HIVEP2: variants seen among roughly 807,000 people sequenced by gnomAD.
The protein encoded by HIVEP2 is transcription factor HIVEP2.
In HIVEP2, 14 loss-of-function variants were observed where a neutral mutation model predicts 180.7. That is an observed-to-expected ratio of 0.08 (90% CI 0.05 to 0.12). The LOEUF (loss-of-function observed/expected upper bound fraction) is 0.12. Ranked by LOEUF, HIVEP2 falls within the 10% of genes least tolerant of loss-of-function variation. The pLI, the probability that HIVEP2 is intolerant of heterozygous loss-of-function variation, is 1.00. For synonymous variants in HIVEP2, 1,184 were observed against 1,136.4 expected, an observed-to-expected ratio of 1.04 and a Z score of -0.84; for missense variants, 2,579 against 3,008.5, an observed-to-expected ratio of 0.86 and a Z score of 3.34.
chr6:142,862,454 ATT>A (rs1216605365), intron 1 of HIVEP2, among the ~76,000 whole-genome samples: 5 of 113,954 alleles, frequency 4.4e-5, no homozygotes, highest in African/African-American at 1.5e-4. Context: ...CATATAATCG[ATT>A]ATATGTATCA....
intron 1 of HIVEP2, among the ~76,000 whole-genome samples, chr6:142,901,041 T>C (rs757134541): frequency 1.1e-4 from 16 of 152,234 alleles, no homozygotes; most frequent in Non-Finnish European, 1.9e-4. Flanking sequence ...AGATTTTCCG[T>C]TGCTCATCTT....
At chr6:142,850,876 G>A (rs728589) in intron 1 of HIVEP2, among the ~76,000 whole-genome samples, 26,957 of 152,096 alleles carry the variant, frequency 0.18, 2,584 homozygotes, top group South Asian at 0.22. Flanking sequence ...GAACACTGTC[G>A]CAGGACAAGA....
intron 1 of HIVEP2, among the ~76,000 whole-genome samples, chr6:142,911,779 T>G (rs1777414815): frequency 3.3e-5 from 5 of 152,220 alleles, no homozygotes. Flanking sequence ...TGAGTGTTTG[T>G]GTGTCTGTGA....
intron 2 of HIVEP2, among the ~76,000 whole-genome samples, chr6:142,803,205 A>G (rs893064447): frequency 1.3e-5 from 2 of 152,208 alleles, no homozygotes; most frequent in Non-Finnish European, 2.9e-5. Context: ...CCAGCATTTC[A>G]TCATAACCTA....
chr6:142,841,481 TA>T (rs1775361254), intron 1 of HIVEP2, among the ~76,000 whole-genome samples: 3 of 152,122 alleles, frequency 2.0e-5, no homozygotes, highest in African/African-American at 7.2e-5. Context: ...TGTTGTTTCG[TA>T]GTATGTTCAA....
At chr6:142,859,654 C>G (rs1257554926) in intron 1 of HIVEP2, among the ~76,000 whole-genome samples, 1 of 151,164 alleles carries the variant, frequency 6.6e-6, no homozygotes, top group Non-Finnish European at 1.5e-5. Flanking sequence ...GCTAACATGG[C>G]GAAACACTGT....
At chr6:142,766,868 A>G (rs1024421013) in intron 6 of HIVEP2, among the ~76,000 whole-genome samples, 2 of 152,188 alleles carry the variant, frequency 1.3e-5, no homozygotes, top group African/African-American at 2.4e-5. Context: ...TTGGTCAGTA[A>G]TACTTTTTAT....
intron 2 of HIVEP2, among the ~76,000 whole-genome samples, chr6:142,810,929 C>T (rs1418507963): frequency 2.0e-5 from 3 of 152,014 alleles, no homozygotes; most frequent in African/African-American, 7.3e-5. Context: ...GTTTCCTCAA[C>T]ATTAAATATT....
At chr6:142,902,323 C>G (rs1777152587) in intron 1 of HIVEP2, among the ~76,000 whole-genome samples, 1 of 145,618 alleles carries the variant, frequency 6.9e-6, no homozygotes, top group South Asian at 2.1e-4. Flanking sequence ...TATTCTGCCC[C>G]CAAAACCCAT....
intron 1 of HIVEP2, among the ~76,000 whole-genome samples, chr6:142,860,195 T>G (rs1181372055): frequency 6.6e-6 from 1 of 152,208 alleles, no homozygotes; most frequent in Non-Finnish European, 1.5e-5. Flanking sequence ...GACTTCATAT[T>G]GCTCCCATTC....
chr6:142,814,281 T>A (rs1277467996), intron 2 of HIVEP2, among the ~76,000 whole-genome samples: 1 of 152,218 alleles, frequency 6.6e-6, no homozygotes. Flanking sequence ...TAAATAAATG[T>A]TGGTATTACT....
intron 2 of HIVEP2, among the ~76,000 whole-genome samples, chr6:142,793,697 C>CTCTCTCTCTCTCTCTT (rs1776214814): frequency 9.1e-6 from 1 of 109,912 alleles, no homozygotes; most frequent in South Asian, 2.8e-4. Context: ...CTCTCTCTCT[C>CTCTCTCTCTCTCTCTT]TGTCTGTCTT....
intron 1 of HIVEP2, among the ~76,000 whole-genome samples, chr6:142,856,013 T>C (rs910970387): frequency 2.6e-5 from 4 of 152,216 alleles, no homozygotes; most frequent in African/African-American, 9.6e-5. Flanking sequence ...TGATAAATTA[T>C]GCTTGTTTGC....
In HIVEP2 at chr6:142,858,472, G is replaced by A. The variant is rs115451265; in HGVS notation, c.-640-21425C>T. On this transcript the variant is annotated intron_variant, in intron 1 of 9. Coordinates refer to ENST00000367603, the MANE Select transcript of HIVEP2 (RefSeq NM_006734.4). ...CTATAGCCCCAGTATCCTAAACAGTGCCTGGAAAATAACAAGTGTTTGATT... is the reference window on the plus strand; with the variant it reads ...CTATAGCCCCAGTATCCTAAACAGTACCTGGAAAATAACAAGTGTTTGATT... Among the ~76,000 whole-genome samples the A allele has an allele frequency of 7.7e-3, 1,169 of 152,240 alleles. 17 individuals are homozygous for A. Among genetic ancestry groups the A allele is most frequent in the African/African-American group, 0.025 (1,044 of 41,536 alleles).
At chr6:142,941,576 C>G (rs993264283) in intron 1 of HIVEP2, among the ~76,000 whole-genome samples, 2 of 152,146 alleles carry the variant, frequency 1.3e-5, no homozygotes, top group Admixed American at 1.3e-4. Flanking sequence ...CAGTACAGCC[C>G]TCACTTGAAT....
In HIVEP2 at chr6:142,771,040, G is replaced by C; in HGVS notation, c.3699C>G (p.Pro1233=). 2 of 1,614,190 alleles carry C rather than the reference G, an allele frequency of 1.2e-6. No individual in the cohort carries two copies. The highest frequency in any genetic ancestry group is 8.5e-7 in the Non-Finnish European group (1 of 1,180,046). The change falls in exon 5 of 10, where the codon CCC becomes CCG. Residue 1233 remains proline, a synonymous_variant. Transcript: ENST00000367603. The surrounding 1 kb of genome is among the most constrained non-coding windows in gnomAD (Gnocchi z 5.4). ...AGCTCTTCTGAGGGTGCTGAGCAAA[G>C]GGATGTGGGAAATGTGCCTGCCACC... The part of the protein sequence containing the change: ...PPWWQAHFPH[P]FAQHPQKSYG...
chr6:142,907,423 T>A (rs545942199), intron 1 of HIVEP2, among the ~76,000 whole-genome samples: 6 of 152,254 alleles, frequency 3.9e-5, no homozygotes, highest in Admixed American at 3.9e-4. Context: ...AATCTAAAAC[T>A]TTTTAGAGAA....
Position 142,774,862 on chromosome 6 carries a change from G to A in HIVEP2, c.-124C>T. The A allele has an allele frequency of 1.3e-6, 2 of 1,512,868 alleles. No individual in the cohort carries two copies. Among genetic ancestry groups the A allele is most frequent in the Admixed American group, 4.4e-5 (2 of 45,056 alleles). 93.7% of individuals were successfully genotyped at this position (1,512,868 alleles called of 1,614,324 possible). On this transcript the variant is annotated 5_prime_UTR_variant, in exon 5 of 10. Transcript: ENST00000367603. The surrounding 1 kb of genome is among the most constrained non-coding windows in gnomAD (Gnocchi z 5.1). ...GTTCCAGGGTGTCTGCAAACTTGCT[G>A]ATTGCTCCTTCTCTTTGGAACCTTC...
chr6:142,878,397 G>T (rs1040602280), intron 1 of HIVEP2, among the ~76,000 whole-genome samples: 2 of 152,112 alleles, frequency 1.3e-5, no homozygotes, highest in Non-Finnish European at 2.9e-5. Context: ...CATCCATTAA[G>T]ATAACAACTG....
Sources: allele counts gnomAD v4.1 joint callset (sites outside exome capture counted in the v4.1 genomes callset), GRCh38; gene constraint gnomAD v4.1.1; non-coding constraint Gnocchi (gnomAD v3.1); transcripts MANE v1.5; gene names NCBI Gene and HGNC (gene_info 2026-07-23, HGNC 2026-07-21).